The following SLC37A1 variants were observed in gnomAD, a reference collection of about 807,000 sequenced individuals.
SLC37A1 encodes the protein glucose-6-phosphate exchanger SLC37A1.
Under a neutral mutation model 75.3 loss-of-function variants are expected in SLC37A1, and 49 were observed. The ratio of observed to expected loss-of-function variants is 0.65; its 90% CI spans 0.52 to 0.83. The LOEUF (loss-of-function observed/expected upper bound fraction) is 0.83. SLC37A1 is among the 40% of genes least tolerant of loss of function. SLC37A1 has a pLI of 0.00. For synonymous variants in SLC37A1, 268 were observed against 292.1 expected (o/e 0.92, Z 0.84); for missense variants, 566 against 695.0 (o/e 0.81, Z 2.09).
At chr21:42,533,000 C>G (rs1057381386) in intron 3 of SLC37A1, among the ~76,000 whole-genome samples, 4 of 152,234 alleles carry the variant, frequency 2.6e-5, no homozygotes, top group Non-Finnish European at 5.9e-5. Context: ...GTGACGTGGC[C>G]CACGTGCTGC....
chr21:42,537,789 G>C (rs1035313192), intron 5 of SLC37A1, among the ~76,000 whole-genome samples: 1 of 151,622 alleles, frequency 6.6e-6, no homozygotes, highest in African/African-American at 2.4e-5. Context: ...TTGGTCTAAT[G>C]TGACATCTAC....
chr21:42,564,932 C>T (rs113523398), intron 14 of SLC37A1, 139 bp downstream of exon 14: 8,276 of 738,620 alleles, frequency 0.011, 70 homozygotes, highest in Non-Finnish European at 0.014. Context: ...TGCCTCCTGT[C>T]CCCCGACCCC....
chr21:42,564,682 GCCTGAAGCCCGCCTCT>G lies in SLC37A1; in HGVS notation c.1136-23_1136-8del. On this transcript the variant is annotated splice_polypyrimidine_tract_variant and intron_variant, in intron 13 of 19. Transcript: ENST00000352133. ...TGGGCTCATGCCCTGGGACGTCAGT[GCCTGAAGCCCGCCTCT>G]CCGTTGCAGGTGGGATCCTGGCAGG... 3 of 1,602,462 alleles carry G rather than the reference GCCTGAAGCCCGCCTCT, an allele frequency of 1.9e-6. No individual in the cohort carries two copies. Among genetic ancestry groups the G allele is most frequent in the Non-Finnish European group, 2.6e-6 (3 of 1,173,498 alleles).
Position 42,518,362 on chromosome 21 carries a change from G to C in SLC37A1, c.-93G>C. On this transcript the variant is annotated 5_prime_UTR_variant, in exon 2 of 20. Coordinates refer to ENST00000352133, the MANE Select transcript of SLC37A1 (RefSeq NM_001320537.2). ...CTTTCCAGCCTGTGGGAGCGGCAGG[G>C]GCAACAGAGAGAGGATCTGGAGCCA... 1 of 1,526,644 alleles carries C rather than the reference G, an allele frequency of 6.6e-7. No individual in the cohort carries two copies. The highest frequency in any genetic ancestry group is 1.1e-5 in the South Asian group (1 of 89,020). The allele number at this position is 1,526,644 out of a possible 1,614,324, so 94.6% of individuals were successfully genotyped here.
At chr21:42,576,225 GAA>G (rs1331999896) in intron 18 of SLC37A1, among the ~76,000 whole-genome samples, 2 of 151,984 alleles carry the variant, frequency 1.3e-5, no homozygotes, top group Non-Finnish European at 2.9e-5. Flanking sequence ...TGCTTGCAGT[GAA>G]AGAGTATACT....
Position 42,531,572 on chromosome 21 carries a change from G to A in SLC37A1, c.139-3126G>A, listed in dbSNP as rs371908098. On this transcript the variant is annotated intron_variant, in intron 3 of 19. Transcript: ENST00000352133. ...GAAAGCTGCTTTTATGAAAGCAGACGTTTCCCAAAGGACTTGACCCCCTCC... is the reference window on the plus strand; with the variant it reads ...GAAAGCTGCTTTTATGAAAGCAGACATTTCCCAAAGGACTTGACCCCCTCC... Among the ~76,000 whole-genome samples, 17 of 152,310 alleles carry A rather than the reference G, an allele frequency of 1.1e-4. 3 individuals are homozygous for A. The highest frequency in any genetic ancestry group is 1.9e-4 in the East Asian group (1 of 5,178).
intron 5 of SLC37A1, among the ~76,000 whole-genome samples, chr21:42,537,015 C>T (rs1422685996): frequency 6.6e-6 from 1 of 152,140 alleles, no homozygotes; most frequent in African/African-American, 2.4e-5. Flanking sequence ...CTGGAGAAAC[C>T]CAGGGATCCC....
At chr21:42,561,728 C>T (rs56172939) in intron 11 of SLC37A1, 3,004 of 227,818 alleles carry the variant, frequency 0.013, 43 homozygotes, top group African/African-American at 0.039. Flanking sequence ...TCAGAAACGC[C>T]GTAGATAAAC....
Position 42,547,165 on chromosome 21 carries a change from T to G in SLC37A1, c.768+25T>G. 1 of 1,614,136 alleles carries G rather than the reference T, an allele frequency of 6.2e-7. No homozygotes were observed. The highest frequency in any genetic ancestry group is 8.5e-7 in the Non-Finnish European group (1 of 1,179,958). ...GGTAAGGACCCTGTTTTCTTGTCCTTTTCTAGAACAGTGTGCGGTTCTGAC... is the reference window on the plus strand; with the variant it reads ...GGTAAGGACCCTGTTTTCTTGTCCTGTTCTAGAACAGTGTGCGGTTCTGAC... On this transcript the variant is annotated intron_variant, in intron 9 of 19. Transcript: ENST00000352133. The surrounding 1 kb of genome is among the most constrained non-coding windows in gnomAD (Gnocchi z 6.1).
chr21:42,570,257 T>G (rs939650672), intron 17 of SLC37A1, among the ~76,000 whole-genome samples: 1 of 134,796 alleles, frequency 7.4e-6, no homozygotes, highest in African/African-American at 2.7e-5. Flanking sequence ...GGCCTGGTTC[T>G]GAGAAGCGGC....
At chr21:42,549,632 A>C (rs924224100) in intron 9 of SLC37A1, among the ~76,000 whole-genome samples, 1 of 152,218 alleles carries the variant, frequency 6.6e-6, no homozygotes, top group Non-Finnish European at 1.5e-5. Flanking sequence ...CAGGACACCA[A>C]CGAGACCCTT....
At chr21:42,507,961 G>A (rs769724047) in intron 2 of SLC37A1, among the ~76,000 whole-genome samples, 3 of 152,036 alleles carry the variant, frequency 2.0e-5, no homozygotes, top group Admixed American at 6.5e-5. Context: ...TTGATAAAGA[G>A]GATATGAGTA....
chr21:42,510,993 T>C (rs572853771), upstream of SLC37A1, among the ~76,000 whole-genome samples: 87 of 152,274 alleles, frequency 5.7e-4, no homozygotes, highest in African/African-American at 1.9e-3. Flanking sequence ...CTAGAGCAAA[T>C]GGACCTAACA....
intron 9 of SLC37A1, among the ~76,000 whole-genome samples, chr21:42,550,467 C>A (rs1160135092): frequency 1.3e-5 from 2 of 152,192 alleles, no homozygotes; most frequent in East Asian, 3.8e-4. Flanking sequence ...TTAAAAACTT[C>A]ACTCAAAGAA....
At chr21:42,550,418 G>C (rs2055527954) in intron 9 of SLC37A1, among the ~76,000 whole-genome samples, 2 of 152,202 alleles carry the variant, frequency 1.3e-5, no homozygotes, top group South Asian at 4.1e-4. Context: ...GAGGAAATCT[G>C]AATAGATCTA....
At chr21:42,563,352 A>G (rs1354912464) in intron 12 of SLC37A1, among the ~76,000 whole-genome samples, 1 of 152,224 alleles carries the variant, frequency 6.6e-6, no homozygotes, top group Non-Finnish European at 1.5e-5. Context: ...GATGCCGTGC[A>G]GTTTCCTCTC....
intron 13 of SLC37A1, among the ~76,000 whole-genome samples, chr21:42,564,219 T>G (rs2055912193): frequency 8.2e-5 from 1 of 12,160 alleles, no homozygotes; most frequent in Non-Finnish European, 3.1e-4. Context: ...AAGACCCCTC[T>G]CTACAAAAAA....
At chr21:42,531,366 G>T (rs1223938272) in intron 3 of SLC37A1, among the ~76,000 whole-genome samples, 1 of 150,032 alleles carries the variant, frequency 6.7e-6, no homozygotes, top group Admixed American at 6.8e-5. Flanking sequence ...GTGTTGCATG[G>T]ACGCTTTAGC....
chr21:42,536,450 C>T (rs1450603385), intron 5 of SLC37A1, among the ~76,000 whole-genome samples: 2 of 152,202 alleles, frequency 1.3e-5, no homozygotes, highest in African/African-American at 4.8e-5. Flanking sequence ...TGATTAAAAA[C>T]TGCTATTGTG....
Sources: allele counts gnomAD v4.1 joint callset (sites outside exome capture counted in the v4.1 genomes callset), GRCh38; gene constraint gnomAD v4.1.1; non-coding constraint Gnocchi (gnomAD v3.1); transcripts MANE v1.5; gene names NCBI Gene and HGNC (gene_info 2026-07-23, HGNC 2026-07-21).